Variants in SNTG2 observed in about 807,000 individuals in gnomAD.
SNTG2 encodes the protein syntrophin gamma 2.
In SNTG2, 74 loss-of-function variants were observed where a neutral mutation model predicts 70.9. The ratio of observed to expected loss-of-function variants is 1.04; its 90% CI spans 0.86 to 1.27. SNTG2 has a LOEUF of 1.27. Among genes scored for constraint, SNTG2 ranks in the 50% most tolerant of loss-of-function variants. The pLI is 0.00. For missense variants in SNTG2, 717 were observed against 690.7 expected (o/e 1.04, Z -0.43); for synonymous variants, 278 against 273.8 (o/e 1.02, Z -0.15).
intron 14 of SNTG2, among the ~76,000 whole-genome samples, chr2:1,294,526 G>A (rs1680120847): frequency 6.6e-6 from 1 of 152,198 alleles, no homozygotes; most frequent in Non-Finnish European, 1.5e-5. Context: ...AGGGACAGAT[G>A]ATCCAATTTA....
intron 1 of SNTG2, among the ~76,000 whole-genome samples, chr2:954,667 A>G (rs1000998510): frequency 3.9e-5 from 6 of 152,272 alleles, no homozygotes; most frequent in South Asian, 2.1e-4. Flanking sequence ...AAGCTCCCCT[A>G]TGTGGGTGTA....
intron 2 of SNTG2, among the ~76,000 whole-genome samples, chr2:1,091,616 C>CT (rs1665034523): frequency 6.6e-6 from 1 of 152,174 alleles, no homozygotes; most frequent in African/African-American, 2.4e-5. Context: ...CCAAGGGCAG[C>CT]TTTTGTCATT....
chr2:1,221,973 GTCTCTGTCTC>G (rs1367032513), intron 9 of SNTG2, among the ~76,000 whole-genome samples: 1 of 9,690 alleles, frequency 1.0e-4, no homozygotes, highest in Admixed American at 8.0e-4. Flanking sequence ...CTCTGTCTCT[GTCTCTGTCTC>G]TCTCTGTCTC....
intron 4 of SNTG2, among the ~76,000 whole-genome samples, chr2:1,112,878 G>C (rs56207922): frequency 1.3e-5 from 2 of 151,752 alleles, no homozygotes; most frequent in Admixed American, 1.3e-4. Context: ...AGAATCGTGT[G>C]TACTAACTGA....
At position 1,169,509 on chromosome 2, in the gene SNTG2, C is replaced by G. The variant is rs1012560043; in HGVS notation, c.500-3583C>G. On this transcript the variant is annotated intron_variant, in intron 7 of 16. Coordinates refer to ENST00000308624, the MANE Select transcript of SNTG2 (RefSeq NM_018968.4). ...CCAGGTGGAGGTTTTCACCGTGAGC[C>G]CCTGCCTAGAGCCCCATAGCACTGA... Among the ~76,000 whole-genome samples the G allele has an allele frequency of 6.6e-5, 10 of 152,304 alleles. No homozygotes were observed. The South Asian group carries it at 8.3e-4, about 13-fold the overall frequency.
intron 1 of SNTG2, among the ~76,000 whole-genome samples, chr2:1,073,720 C>T (rs946676531): frequency 6.6e-6 from 1 of 152,166 alleles, no homozygotes; most frequent in South Asian, 2.1e-4. Context: ...TATTATTGAA[C>T]ATTAAAACCT....
chr2:1,171,922 A>C (rs1024266655), intron 7 of SNTG2, among the ~76,000 whole-genome samples: 4 of 152,166 alleles, frequency 2.6e-5, no homozygotes, highest in African/African-American at 9.7e-5. Context: ...TCCTGTCTGC[A>C]CCAAGCGAGG....
chr2:1,186,854 G>C (rs1204435397), intron 8 of SNTG2, among the ~76,000 whole-genome samples: 6 of 152,056 alleles, frequency 3.9e-5, no homozygotes, highest in Non-Finnish European at 8.8e-5. Flanking sequence ...ATAAGCAAGA[G>C]ACTCACATGA....
rs116469406 is a variant in SNTG2 at position 1,186,634 on chromosome 2, G to A, written c.591+13451G>A. 3.9e-3 allele frequency among the ~76,000 whole-genome samples: 596 copies of A among 152,266 alleles called. 5 individuals are homozygous for A. Among genetic ancestry groups the A allele is most frequent in the African/African-American group, 0.013 (523 of 41,548 alleles). On this transcript the variant is annotated intron_variant, in intron 8 of 16. Transcript: ENST00000308624. ...TCTTACGTAGCTAGAGTGGGAGGAA[G>A]AGCAAGAAGGGGGAGGTGCTACACA...
At chr2:1,136,309 TAGAAAG>T (rs1668381015) in intron 4 of SNTG2, among the ~76,000 whole-genome samples, 1 of 148,822 alleles carries the variant, frequency 6.7e-6, no homozygotes, top group Non-Finnish European at 1.5e-5. Flanking sequence ...GAGACAGAGA[TAGAAAG>T]AGACAGAGAG....
intron 8 of SNTG2, among the ~76,000 whole-genome samples, chr2:1,174,308 A>G (rs902891867): frequency 1.7e-4 from 24 of 144,066 alleles, no homozygotes; most frequent in African/African-American, 5.9e-4. Flanking sequence ...ATATATATAT[A>G]TGTAAAATTT....
chr2:1,183,663 A>G (rs546335788), intron 8 of SNTG2, among the ~76,000 whole-genome samples: 4 of 152,194 alleles, frequency 2.6e-5, no homozygotes, highest in South Asian at 2.1e-4. Context: ...TATTATATAT[A>G]TGTGTGTGTG....
At chr2:1,285,067 G>A (rs879354465) in intron 14 of SNTG2, among the ~76,000 whole-genome samples, 84 of 151,968 alleles carry the variant, frequency 5.5e-4, no homozygotes, top group Non-Finnish European at 1.5e-4. Flanking sequence ...AAGCCAGTCC[G>A]AGTCCCAAAG....
intron 14 of SNTG2, among the ~76,000 whole-genome samples, chr2:1,303,924 G>GGGTA (rs1298126683): frequency 6.6e-6 from 1 of 152,144 alleles, no homozygotes; most frequent in Non-Finnish European, 1.5e-5. Context: ...TAGAGTCTTT[G>GGGTA]GGTAGCCTTA....
intron 8 of SNTG2, among the ~76,000 whole-genome samples, chr2:1,206,539 C>A (rs1673644650): frequency 6.6e-6 from 1 of 152,200 alleles, no homozygotes; most frequent in Admixed American, 6.5e-5. Flanking sequence ...AGAGACCTGA[C>A]TTCTCCCCTA....
intron 4 of SNTG2, among the ~76,000 whole-genome samples, chr2:1,124,650 C>T (rs1667595573): frequency 1.3e-5 from 2 of 152,146 alleles, no homozygotes; most frequent in Non-Finnish European, 2.9e-5. Flanking sequence ...AGGGTTGAAC[C>T]TGGAGGACGC....
intron 4 of SNTG2, chr2:1,103,475 C>T (rs774055535): frequency 9.1e-6 from 2 of 219,856 alleles, no homozygotes; most frequent in South Asian, 5.4e-5. Context: ...CCAACCTCCA[C>T]CTCCCAGGTT....
intron 16 of SNTG2, among the ~76,000 whole-genome samples, chr2:1,337,617 T>C (rs1659882654): frequency 2.0e-5 from 3 of 152,196 alleles, no homozygotes; most frequent in South Asian, 4.1e-4. Context: ...GATTTGCGGA[T>C]GTCTTCTCTC....
chr2:1,145,288 GA>G (rs60855446), intron 6 of SNTG2, among the ~76,000 whole-genome samples: 130,213 of 151,616 alleles, frequency 0.86, 56,502 homozygotes, highest in Non-Finnish European at 0.94. Flanking sequence ...ATCAAGATAG[GA>G]AAAAAAAAGC....
Sources: gnomAD v4.1 joint callset for allele counts (sites outside exome capture counted in the v4.1 genomes callset) on GRCh38, gnomAD v4.1.1 for gene constraint, MANE v1.5 for transcripts, NCBI Gene and HGNC (gene_info 2026-07-23, HGNC 2026-07-21) for gene names.